Variants in PRKAR1B observed in about 807,000 individuals in gnomAD.
The protein encoded by PRKAR1B is cAMP-dependent protein kinase type I-beta regulatory subunit.
In PRKAR1B, 22 loss-of-function variants were observed where a neutral mutation model predicts 46.5. The ratio of observed to expected loss-of-function variants is 0.47; its 90% CI spans 0.34 to 0.68. PRKAR1B has a LOEUF of 0.68. Ranked by LOEUF, PRKAR1B falls within the 30% of genes least tolerant of loss-of-function variation. PRKAR1B has a pLI of 0.01. For synonymous variants in PRKAR1B, 259 were observed against 217.7 expected (o/e 1.19, Z -1.67); for missense variants, 445 against 535.6 (o/e 0.83, Z 1.67).
intron 4 of PRKAR1B, among the ~76,000 whole-genome samples, chr7:652,140 C>A: frequency 7.0e-6 from 1 of 142,288 alleles, no homozygotes; most frequent in Non-Finnish European, 1.5e-5. Flanking sequence ...ACAGTTCACA[C>A]CCACACAGTG....
chr7:605,870 G>A (rs537325983), intron 6 of PRKAR1B, among the ~76,000 whole-genome samples: 14 of 152,276 alleles, frequency 9.2e-5, no homozygotes, highest in Admixed American at 9.2e-4. Flanking sequence ...CATCGGCCTC[G>A]GATCTGGAGA....
At chr7:647,566 G>T (rs934863326) in intron 4 of PRKAR1B, among the ~76,000 whole-genome samples, 1 of 152,036 alleles carries the variant, frequency 6.6e-6, no homozygotes, top group Non-Finnish European at 1.5e-5. Context: ...CAGCACTTTG[G>T]GGGGCCGAGA....
chr7:567,619 G>A (rs938381352), intron 9 of PRKAR1B, among the ~76,000 whole-genome samples: 2 of 152,116 alleles, frequency 1.3e-5, no homozygotes, highest in African/African-American at 4.8e-5. Context: ...AGCAGTAGCA[G>A]CAAAATAAAA....
intron 1 of PRKAR1B, among the ~76,000 whole-genome samples, chr7:711,764 G>A (rs1326131300): frequency 6.6e-6 from 1 of 152,206 alleles, no homozygotes; most frequent in African/African-American, 2.4e-5. Context: ...GGCAGGGGGG[G>A]AGGGGGCTCA....
chr7:573,060 G>A (rs1417395890), intron 9 of PRKAR1B, among the ~76,000 whole-genome samples: 3 of 152,164 alleles, frequency 2.0e-5, no homozygotes, highest in African/African-American at 7.2e-5. Context: ...TGCTGTCGGT[G>A]GCCGCCCTGG....
At position 677,335 on chromosome 7, in the gene PRKAR1B, A is replaced by ACACAT; in HGVS notation, c.349-20_349-16dup. On this transcript the variant is annotated splice_polypyrimidine_tract_variant and intron_variant, in intron 3 of 10. Transcript: ENST00000537384. ...TTGGGAATCACCTGAAGCGGAGCCA[A>ACACAT]CACATCACCGTGTGAGCCACCCTGG... The ACACAT allele has an allele frequency of 6.2e-7, 1 of 1,613,400 alleles. No homozygotes were observed. The highest frequency in any genetic ancestry group is 8.5e-7 in the Non-Finnish European group (1 of 1,179,262).
chr7:720,338 G>A (rs1350670560), intron 1 of PRKAR1B, among the ~76,000 whole-genome samples: 6 of 152,176 alleles, frequency 3.9e-5, no homozygotes, highest in Non-Finnish European at 4.4e-5. Context: ...GATAACAGGT[G>A]TGAGCCACCG....
At chr7:591,350 G>T (rs1332897490) in intron 7 of PRKAR1B, among the ~76,000 whole-genome samples, 2 of 152,242 alleles carry the variant, frequency 1.3e-5, no homozygotes, top group Non-Finnish European at 2.9e-5. Flanking sequence ...GCTTTGTGTG[G>T]GAAAAGGCAG....
intron 7 of PRKAR1B, among the ~76,000 whole-genome samples, chr7:584,869 C>T (rs1362745182): frequency 6.6e-6 from 1 of 152,160 alleles, no homozygotes; most frequent in Non-Finnish European, 1.5e-5. Context: ...GGTGAGCGCA[C>T]AGCCAGCCAG....
chr7:581,160 G>A lies in PRKAR1B; in HGVS notation c.770-1783C>T, dbSNP rs552511404. ...CTACTAAAAATACAAAAAATTAGCC[G>A]GGTGTGGTGGCGGGCGCCTGTAGTC... On this transcript the variant is annotated intron_variant, in intron 8 of 10. Coordinates refer to ENST00000537384, the MANE Select transcript of PRKAR1B (RefSeq NM_001164760.2). 2.1e-3 allele frequency among the ~76,000 whole-genome samples: 326 copies of A among 152,144 alleles called. 2 individuals carry two copies. The highest frequency in any genetic ancestry group is 7.4e-3 in the African/African-American group (308 of 41,526).
intron 2 of PRKAR1B, among the ~76,000 whole-genome samples, chr7:682,675 T>C (rs574129023): frequency 4.1e-4 from 61 of 150,180 alleles, no homozygotes; most frequent in Non-Finnish European, 8.3e-4. Flanking sequence ...AACCCGGGAG[T>C]GAGCTTGCAG....
intron 7 of PRKAR1B, 43 bp from the exon 8 acceptor site, chr7:584,611 C>T (rs375644788): frequency 2.6e-6 from 4 of 1,522,714 alleles, no homozygotes; most frequent in Non-Finnish European, 3.6e-6. Context: ...GGTGAATCTT[C>T]ATACCTGGAT....
chr7:563,840 AGTGTGTGTGCATGGGTT>A (rs1409792662), intron 9 of PRKAR1B, among the ~76,000 whole-genome samples: 3 of 150,874 alleles, frequency 2.0e-5, no homozygotes, highest in African/African-American at 7.3e-5. Flanking sequence ...CACACGGATC[AGTGTGTGTGCATGGGTT>A]GTGGGTGTGC....
At chr7:621,087 G>A (rs1159531947) in intron 4 of PRKAR1B, among the ~76,000 whole-genome samples, 1 of 152,206 alleles carries the variant, frequency 6.6e-6, no homozygotes, top group Non-Finnish European at 1.5e-5. Flanking sequence ...AGTATTCTGA[G>A]GTTGAACCAT....
At chr7:725,248 A>G (rs1272671987) in intron 1 of PRKAR1B, among the ~76,000 whole-genome samples, 1 of 151,476 alleles carries the variant, frequency 6.6e-6, no homozygotes, top group African/African-American at 2.4e-5. Flanking sequence ...GACAAACACC[A>G]CCATTTTGCA....
chr7:583,624 T>A (rs1428698685), intron 8 of PRKAR1B, among the ~76,000 whole-genome samples: 1 of 78,484 alleles, frequency 1.3e-5, no homozygotes, highest in African/African-American at 5.4e-5. Flanking sequence ...ACGTGCACAC[T>A]CAAACCCCCA....
intron 1 of PRKAR1B, among the ~76,000 whole-genome samples, chr7:718,216 C>G (rs1257553607): frequency 6.6e-6 from 1 of 151,614 alleles, no homozygotes; most frequent in Non-Finnish European, 1.5e-5. Flanking sequence ...GACCCACAGA[C>G]AGCCGGCCCC....
rs542805938 is a variant in PRKAR1B at position 695,618 on chromosome 7, G to A, written c.178-14892C>T. Among the ~76,000 whole-genome samples, 212 of 152,236 alleles carry A rather than the reference G, an allele frequency of 1.4e-3. 2 individuals are homozygous for A. The highest frequency in any genetic ancestry group is 4.7e-3 in the African/African-American group (196 of 41,538). On this transcript the variant is annotated intron_variant, in intron 2 of 10. Transcript: ENST00000537384. ...GCTACAGGAATTGTGACCAAATAAA[G>A]TGCCTCAGCCAGCCACCGGTGGGGT...
chr7:564,345 C>T (rs1779005574), intron 9 of PRKAR1B, among the ~76,000 whole-genome samples: 1 of 152,176 alleles, frequency 6.6e-6, no homozygotes, highest in Non-Finnish European at 1.5e-5. Context: ...CGTGGCCAGC[C>T]TCAACCTCCG....
Sources: allele counts gnomAD v4.1 joint callset (sites outside exome capture counted in the v4.1 genomes callset), GRCh38; gene constraint gnomAD v4.1.1; transcripts MANE v1.5; gene names NCBI Gene and HGNC (gene_info 2026-07-23, HGNC 2026-07-21).